The following GALNT4 variants were observed in gnomAD, a reference collection of about 807,000 sequenced individuals.
The protein encoded by GALNT4 is UDP-GalNAc:polypeptide N-acetylgalactosaminyltransferase 4.
Under a neutral mutation model 45.1 loss-of-function variants are expected in GALNT4, and 23 were observed. That is an observed-to-expected ratio of 0.51 (90% CI 0.37 to 0.72). The LOEUF (loss-of-function observed/expected upper bound fraction) is 0.72. GALNT4 is among the 30% of genes least tolerant of loss of function. The pLI is 0.00. For missense variants in GALNT4, 757 were observed against 709.0 expected (o/e 1.07, Z -0.77); for synonymous variants, 264 against 257.6 (o/e 1.02, Z -0.24).
chr12:89,523,524 A>G lies in GALNT4; in HGVS notation c.1026T>C (p.Ser342=), dbSNP rs199790853. The part of the protein sequence containing the change: ...EVWGGENLEL[S]FRVWQCGGKL... The stretch of plus-strand genomic sequence containing the variant: ...TGCCACCACACTGCCACACCCTAAA[A>G]GACAGCTCAAGGTTTTCACCTCCCC... The change falls in exon 1 of 1, where the codon TCT becomes TCC. Residue 342 remains serine (S), a synonymous_variant. Coordinates refer to ENST00000529983, the MANE Select transcript of GALNT4 (RefSeq NM_003774.5). 2.1e-3 allele frequency: 3,351 copies of G among 1,607,730 alleles called. 7 individuals are homozygous for G. Among genetic ancestry groups the G allele is most frequent in the Middle Eastern group, 6.2e-3 (37 of 6,006 alleles).
rs1217404101 is a variant in GALNT4, at chr12:89,519,653, T to C, written c.*3160A>G. On this transcript the variant is annotated 3_prime_UTR_variant, in exon 1 of 1. Coordinates refer to ENST00000529983, the MANE Select transcript of GALNT4 (RefSeq NM_003774.5). ...ATTGAGACCCTAAACCAACTAAGAC[T>C]ATACAACTTAAAAATAAGCTGTCTT... The C allele has an allele frequency of 6.6e-6, 1 of 152,608 alleles. No homozygotes were observed. Among genetic ancestry groups the C allele is most frequent in the African/African-American group, 2.4e-5 (1 of 41,438 alleles). 9.5% of individuals were successfully genotyped at this position (152,608 alleles called of 1,614,324 possible).
Position 89,524,317 on chromosome 12 carries a change from C to T in GALNT4, c.233G>A (p.Gly78Glu). The part of the protein sequence containing the change: ...PADSRALGEW[G>E]KASKLQLNED... ...GTTGAGCTGGAGTTTGCTGGCTTTC[C>T]CCCACTCCCCAAGTGCACGGGAATC... The change falls in exon 1 of 1, where the codon GGG (glycine) becomes GAG (glutamate). Residue 78 changes from glycine (G) to glutamate (E), a missense_variant. Transcript: ENST00000529983. 6.2e-7 allele frequency: 1 copy of T among 1,613,940 alleles called. No individual in the cohort carries two copies. Among genetic ancestry groups the T allele is most frequent in the Non-Finnish European group, 8.5e-7 (1 of 1,179,886 alleles).
In GALNT4 at chr12:89,521,971, T is replaced by C; in HGVS notation, c.*842A>G. Reference sequence around the variant, plus strand: ...TGTGTTTACTTTAAATGATTAAGCATTAACAAAGGGAGGCATAGTATTCTG... The same window carrying C: ...TGTGTTTACTTTAAATGATTAAGCACTAACAAAGGGAGGCATAGTATTCTG... On this transcript the variant is annotated 3_prime_UTR_variant, in exon 1 of 1. Transcript: ENST00000529983. 2.5e-6 allele frequency: 1 copy of C among 398,956 alleles called. No individual in the cohort carries two copies. Among genetic ancestry groups the C allele is most frequent in the Non-Finnish European group, 4.4e-6 (1 of 226,038 alleles). The allele number at this position is 398,956 out of a possible 1,614,324, so 24.7% of individuals were successfully genotyped here.
rs781739470 is a variant in GALNT4, at chr12:89,524,265, T to C, written c.285A>G (p.Glu95=). 2.7e-5 allele frequency: 43 copies of C among 1,613,936 alleles called. No individual in the cohort carries two copies. Among genetic ancestry groups the C allele is most frequent in the Non-Finnish European group, 3.6e-5 (42 of 1,179,868 alleles). ...TATTGATGGCGTATCTCTCAATGAG[T>C]TCTTCTTGCTGCTTCAGTTCATCCT... ...LNEDELKQQE[E]LIERYAINIY... The change falls in exon 1 of 1, where the codon GAA becomes GAG. Residue 95 remains glutamate (E), a synonymous_variant. Coordinates refer to ENST00000529983, the MANE Select transcript of GALNT4 (RefSeq NM_003774.5).
rs746394140 is a variant in GALNT4 at position 89,523,636 on chromosome 12, C to G, written c.914G>C (p.Arg305Thr). The change falls in exon 1 of 1, where the codon AGA (arginine) becomes ACA (threonine). Residue 305 changes from arginine (R) to threonine (T), a missense_variant. Arg to Thr is a moderately conservative substitution (Grantham distance 71). Coordinates refer to ENST00000529983, the MANE Select transcript of GALNT4 (RefSeq NM_003774.5). ...DRRISRIDPI[R>T]SPTMAGGLFA... is the part of the protein sequence containing the mutation. Reference sequence around the variant, plus strand: ...CAGTCCTCCAGCCATGGTAGGTGATCTGATGGGGTCAATTCTTGATATCCG... The same window carrying G: ...CAGTCCTCCAGCCATGGTAGGTGATGTGATGGGGTCAATTCTTGATATCCG... 14 of 1,540,718 alleles carry G rather than the reference C, an allele frequency of 9.1e-6. No individual in the cohort carries two copies. Among genetic ancestry groups the G allele is most frequent in the Non-Finnish European group, 1.2e-5 (14 of 1,149,264 alleles).
At position 89,523,077 on chromosome 12, in the gene GALNT4, G is replaced by T. The variant is rs555881011; in HGVS notation, c.1473C>A (p.Asn491Lys). Residue 491 changes from asparagine to lysine, a missense_variant, in exon 1 of 1, where the codon AAC becomes AAA. Transcript: ENST00000529983. ...GGNQFFEYTSNKEIRFNSVTE... is the reference protein window; with the variant it reads ...GGNQFFEYTSKKEIRFNSVTE... ...TCACAGAATTAAACCTTATTTCTTTGTTTGAAGTATATTCAAAGAATTGAT... is the reference window on the plus strand; with the variant it reads ...TCACAGAATTAAACCTTATTTCTTTTTTTGAAGTATATTCAAAGAATTGAT... The T allele has an allele frequency of 1.9e-6, 3 of 1,613,792 alleles. No homozygotes were observed. Among genetic ancestry groups the T allele is most frequent in the Non-Finnish European group, 2.5e-6 (3 of 1,179,762 alleles).
Position 89,524,291 on chromosome 12 carries a change from C to A in GALNT4, c.259G>T (p.Glu87Ter), listed in dbSNP as rs1204230169. 3.1e-6 allele frequency: 5 copies of A among 1,614,020 alleles called. No individual in the cohort carries two copies. The highest frequency in any genetic ancestry group is 4.2e-6 in the Non-Finnish European group (5 of 1,179,896). The change falls in exon 1 of 1, where the codon GAG becomes TAG. Residue 87 changes from glutamate (E) to a stop codon, truncating the protein, a stop_gained. Coordinates refer to ENST00000529983, the MANE Select transcript of GALNT4 (RefSeq NM_003774.5). LOFTEE classifies it high-confidence loss of function. ...WGKASKLQLN[E>*]DELKQQEELI... is the part of the protein sequence containing the mutation. ...TCTTCTTGCTGCTTCAGTTCATCCT[C>A]GTTGAGCTGGAGTTTGCTGGCTTTC...
rs1340005624 is a variant in GALNT4 at position 89,523,818 on chromosome 12, A to G, written c.732T>C (p.Ile244=). The part of the protein sequence containing the change: ...SGWLEPLLER[I]GRDETAVVCP... ...ACACAACTGCTGTTTCATCTCTCCC[A>G]ATCCTTTCCAAAAGCGGTTCCAGCC... The change falls in exon 1 of 1, where the codon ATT becomes ATC. Residue 244 remains isoleucine, a synonymous_variant. Coordinates refer to ENST00000529983, the MANE Select transcript of GALNT4 (RefSeq NM_003774.5). 2.5e-5 allele frequency: 38 copies of G among 1,541,234 alleles called. No individual in the cohort carries two copies. The highest frequency in any genetic ancestry group is 3.1e-5 in the Non-Finnish European group (36 of 1,149,668).
rs1000403457 is a variant in GALNT4 at position 89,522,797 on chromosome 12, A to C, written c.*16T>G. ...TTGACACTACTGTCAGCTCATGACG[A>C]AAGTGCTGTTGTGCTCTATTTCTCA... is the stretch of plus-strand genomic sequence containing the variant. On this transcript the variant is annotated 3_prime_UTR_variant, in exon 1 of 1. Transcript: ENST00000529983. The C allele has an allele frequency of 8.4e-6, 13 of 1,547,504 alleles. No homozygotes were observed. Among genetic ancestry groups the C allele is most frequent in the Non-Finnish European group, 2.6e-6 (3 of 1,150,436 alleles).
In GALNT4 at chr12:89,523,281, G is replaced by T; in HGVS notation, c.1269C>A (p.Ser423Arg). 1.2e-6 allele frequency: 2 copies of T among 1,614,046 alleles called. No homozygotes were observed. Among genetic ancestry groups the T allele is most frequent in the Non-Finnish European group, 1.7e-6 (2 of 1,179,912 alleles). ...AAACGTTTTTCAAATACCAGTCAAA[G>T]CTCTTGCATCTCAACCGCTCTCGTA... ...KLLRERLRCK[S>R]FDWYLKNVFP... The change falls in exon 1 of 1, where the codon AGC (serine) becomes AGA (arginine). Residue 423 changes from serine (S) to arginine (R), a missense_variant. Physicochemically the swap from Ser to Arg is moderately radical, Grantham distance 110. Transcript: ENST00000529983.
rs772956146 is a variant in GALNT4 at position 89,522,810 on chromosome 12, GCT to G, written c.*1_*2del. 1 of 1,572,716 alleles carries G rather than the reference GCT, an allele frequency of 6.4e-7. No individual in the cohort carries two copies. Among genetic ancestry groups the G allele is most frequent in the Non-Finnish European group, 8.6e-7 (1 of 1,160,898 alleles). ...CAGCTCATGACGAAAGTGCTGTTGTGCTCTATTTCTCAAAACTCCAAATTTGA... is the reference window on the plus strand; with the variant it reads ...CAGCTCATGACGAAAGTGCTGTTGTGCTATTTCTCAAAACTCCAAATTTGA... On this transcript the variant is annotated 3_prime_UTR_variant, in exon 1 of 1. Coordinates refer to ENST00000529983, the MANE Select transcript of GALNT4 (RefSeq NM_003774.5).
In GALNT4 at chr12:89,524,179, C is replaced by A; in HGVS notation, c.371G>T (p.Cys124Phe). 1 of 1,613,972 alleles carries A rather than the reference C, an allele frequency of 6.2e-7. No individual in the cohort carries two copies. Among genetic ancestry groups the A allele is most frequent in the Non-Finnish European group, 8.5e-7 (1 of 1,179,902 alleles). The change falls in exon 1 of 1, where the codon TGT becomes TTT. Residue 124 changes from cysteine to phenylalanine, a missense_variant. Transcript: ENST00000529983. The part of the protein sequence containing the change: ...RHIEDKRMYE[C>F]KSQKFNYRTL... ...CCTATAGTTGAACTTCTGGGACTTA[C>A]ACTCATACATTCTTTTATCCTCTAT... is the stretch of plus-strand genomic sequence containing the variant.
Position 89,524,146 on chromosome 12 carries a change from G to C in GALNT4, c.404C>G (p.Pro135Arg), listed in dbSNP as rs575779538. 6.2e-7 allele frequency: 1 copy of C among 1,613,892 alleles called. No homozygotes were observed. Among genetic ancestry groups the C allele is most frequent in the African/African-American group, 1.3e-5 (1 of 74,922 alleles). Residue 135 changes from proline (P) to arginine (R), a missense_variant, in exon 1 of 1, where the codon CCT becomes CGT. Physicochemically the swap from Pro to Arg is moderately radical, Grantham distance 103. Transcript: ENST00000529983. Reference sequence around the variant, plus strand: ...GAAAGCAATGATAACAGAGGTGGTAGGAAGTGTCCTATAGTTGAACTTCTG... The same window carrying C: ...GAAAGCAATGATAACAGAGGTGGTACGAAGTGTCCTATAGTTGAACTTCTG... ...KSQKFNYRTL[P>R]TTSVIIAFYN... is the part of the protein sequence containing the mutation.
At position 89,521,876 on chromosome 12, in the gene GALNT4, A is replaced by G; in HGVS notation, c.*937T>C. 1 of 397,916 alleles carries G rather than the reference A, an allele frequency of 2.5e-6. No individual in the cohort carries two copies. The highest frequency in any genetic ancestry group is 4.4e-5 in the Admixed American group (1 of 22,744). 24.6% of individuals were successfully genotyped at this position (397,916 alleles called of 1,614,324 possible). On this transcript the variant is annotated 3_prime_UTR_variant, in exon 1 of 1. Transcript: ENST00000529983. ...TAGGAGAGTTCCACAGCCTTGGTAG[A>G]ACCTAGCCCACTTTCAGTTTCACAC...
In GALNT4 at chr12:89,523,335, A is replaced by G; in HGVS notation, c.1215T>C (p.Ala405=). The change falls in exon 1 of 1, where the codon GCT becomes GCC. Residue 405 remains alanine (A), a synonymous_variant. Transcript: ENST00000529983. The part of the protein sequence containing the change: ...YNRNPPARKE[A]YGDISERKLL... ...ATTTTCTTTCAGAAATATCACCATA[A>G]GCTTCTTTTCTTGCTGGAGGGTTTC... is the stretch of plus-strand genomic sequence containing the variant. 1 of 1,614,044 alleles carries G rather than the reference A, an allele frequency of 6.2e-7. No individual in the cohort carries two copies. The highest frequency in any genetic ancestry group is 8.5e-7 in the Non-Finnish European group (1 of 1,179,908).
rs373721058 is a variant in GALNT4, at chr12:89,524,571, G to A, written c.-22C>T. On this transcript the variant is annotated 5_prime_UTR_variant, in exon 1 of 1. Transcript: ENST00000529983. The stretch of plus-strand genomic sequence containing the variant: ...CCATCCGGATTCTCAGGGCTGAGGC[G>A]CAGACGCGGCCACCAAGCCACCACG... 2.4e-4 allele frequency: 383 copies of A among 1,608,910 alleles called. 1 individual carries two copies. In the African/African-American group the frequency reaches 4.6e-3, roughly 19 times the overall value.
Position 89,521,718 on chromosome 12 carries a change from C to T in GALNT4, c.*1095G>A, listed in dbSNP as rs1870893601. On this transcript the variant is annotated 3_prime_UTR_variant, in exon 1 of 1. Transcript: ENST00000529983. The stretch of plus-strand genomic sequence containing the variant: ...TTCATTCATTCAGTCATTCATTCAC[C>T]CACTTACTGAAAGCTGCCTAAGTGC... 3.4e-6 allele frequency: 1 copy of T among 298,326 alleles called. No individual in the cohort carries two copies. 18.5% of individuals were successfully genotyped at this position (298,326 alleles called of 1,614,324 possible).
rs1870747512 is a variant in GALNT4 at position 89,520,375 on chromosome 12, GA to G, written c.*2437del. On this transcript the variant is annotated 3_prime_UTR_variant, in exon 1 of 1. Coordinates refer to ENST00000529983, the MANE Select transcript of GALNT4 (RefSeq NM_003774.5). ...CTCCCATATAACAGGTGGCTAACAAGAAAACCAAAAATAAATAAAAAGAGAA... is the reference window on the plus strand; with the variant it reads ...CTCCCATATAACAGGTGGCTAACAAGAAACCAAAAATAAATAAAAAGAGAA... 1 of 151,328 alleles carries G rather than the reference GA, an allele frequency of 6.6e-6. No individual in the cohort carries two copies. Among genetic ancestry groups the G allele is most frequent in the Non-Finnish European group, 1.5e-5 (1 of 67,782 alleles). The allele number at this position is 151,328 out of a possible 1,614,324, so 9.4% of individuals were successfully genotyped here.
In GALNT4 at chr12:89,519,456, A is replaced by T. The variant is rs888247189; in HGVS notation, c.*3357T>A. 6.6e-6 allele frequency: 1 copy of T among 152,292 alleles called. No homozygotes were observed. Among genetic ancestry groups the T allele is most frequent in the South Asian group, 2.1e-4 (1 of 4,834 alleles). The allele number at this position is 152,292 out of a possible 1,614,324, so 9.4% of individuals were successfully genotyped here. A position where few individuals can be genotyped will look rare whatever the true frequency, so the allele number is the denominator to read the frequency against. ...ACACTTTTTATTTTACATCTTAATCAACATTACAAATACAAAAGGAAAAAA... is the reference window on the plus strand; with the variant it reads ...ACACTTTTTATTTTACATCTTAATCTACATTACAAATACAAAAGGAAAAAA... On this transcript the variant is annotated 3_prime_UTR_variant, in exon 1 of 1. Coordinates refer to ENST00000529983, the MANE Select transcript of GALNT4 (RefSeq NM_003774.5).
Sources: allele counts gnomAD v4.1 joint callset, GRCh38; gene constraint gnomAD v4.1.1; transcripts MANE v1.5; gene names NCBI Gene and HGNC (gene_info 2026-07-23, HGNC 2026-07-21).